Variants in JAKMIP2 observed in about 807,000 individuals in gnomAD.
JAKMIP2 encodes the protein janus kinase and microtubule interacting protein 2.
JAKMIP2 carries 25 observed loss-of-function variants against 115.0 expected under a neutral mutation model. The ratio of observed to expected loss-of-function variants is 0.22; its 90% CI spans 0.16 to 0.30. JAKMIP2 has a LOEUF of 0.30. Among genes scored for constraint, JAKMIP2 ranks in the 10% least tolerant of loss-of-function variants. JAKMIP2 has a pLI of 1.00. For synonymous variants in JAKMIP2, 334 were observed against 343.6 expected (o/e 0.97, Z 0.31); for missense variants, 642 against 957.6 (o/e 0.67, Z 4.35).
chr5:147,649,180 T>C (rs1758274419), intron 4 of JAKMIP2, among the ~76,000 whole-genome samples: 1 of 152,224 alleles, frequency 6.6e-6, no homozygotes, highest in South Asian at 2.1e-4. Context: ...TCTTACATTT[T>C]GATAATGCTG....
Position 147,782,453 on chromosome 5 carries a change from C to T in JAKMIP2, c.-149+3G>A, listed in dbSNP as rs1455694110. 32 of 1,535,918 alleles carry T rather than the reference C, an allele frequency of 2.1e-5. No homozygotes were observed. The highest frequency in any genetic ancestry group is 1.7e-4 in the Middle Eastern group (1 of 6,012). ...GAAGGGAGCCCTACTGTTTCCTACT[C>T]ACCATGCTGAGACCCGGAGAAGCTG... On this transcript the variant is annotated splice_donor_region_variant and intron_variant, in intron 1 of 21. Transcript: ENST00000616793.
chr5:147,782,636 G>A lies in JAKMIP2; in HGVS notation c.-329C>T. 1.4e-6 allele frequency: 1 copy of A among 701,762 alleles called. No individual in the cohort carries two copies. Among genetic ancestry groups the A allele is most frequent in the South Asian group, 1.5e-5 (1 of 66,470 alleles). The allele number at this position is 701,762 out of a possible 1,614,324, so 43.5% of individuals were successfully genotyped here. ...AGGAACCACCCTTCCAGCCCCACTA[G>A]AGTATCAGCAATAGAGGCGGCGGCG... On this transcript the variant is annotated 5_prime_UTR_variant, in exon 1 of 22. Coordinates refer to ENST00000616793, the MANE Select transcript of JAKMIP2 (RefSeq NM_001270941.2).
intron 10 of JAKMIP2, among the ~76,000 whole-genome samples, chr5:147,637,791 T>C (rs922788604): frequency 2.0e-5 from 3 of 152,148 alleles, no homozygotes; most frequent in African/African-American, 7.2e-5. Flanking sequence ...TCTCTTTATA[T>C]ATCATATTTT....
intron 3 of JAKMIP2, among the ~76,000 whole-genome samples, chr5:147,655,127 A>G (rs4489050): frequency 0.25 from 38,397 of 151,956 alleles, 6,137 homozygotes; most frequent in East Asian, 0.46. Context: ...GAGAATTTTC[A>G]CATCGATGTT....
chr5:147,756,324 G>A (rs1754742630), intron 1 of JAKMIP2, among the ~76,000 whole-genome samples: 1 of 151,978 alleles, frequency 6.6e-6, no homozygotes, highest in Non-Finnish European at 1.5e-5. Context: ...TGATAGGGAG[G>A]CACCTGCCCT....
chr5:147,732,304 C>T (rs1334347561), intron 1 of JAKMIP2, among the ~76,000 whole-genome samples: 1 of 152,164 alleles, frequency 6.6e-6, no homozygotes, highest in African/African-American at 2.4e-5. Flanking sequence ...GTATTTCTTA[C>T]AATGCCCAAA....
intron 3 of JAKMIP2, among the ~76,000 whole-genome samples, chr5:147,657,583 ATCC>A: frequency 6.6e-6 from 1 of 152,190 alleles, no homozygotes; most frequent in East Asian, 1.9e-4. Flanking sequence ...CCTGCATAAT[ATCC>A]TCAAGTGTAT....
chr5:147,619,461 A>G (rs1284841905), intron 18 of JAKMIP2, among the ~76,000 whole-genome samples: 4 of 152,078 alleles, frequency 2.6e-5, no homozygotes, highest in Non-Finnish European at 4.4e-5. Context: ...TCTTTGTTAC[A>G]AGCAGGGACT....
At chr5:147,774,134 T>C (rs1350665983) in intron 1 of JAKMIP2, among the ~76,000 whole-genome samples, 5 of 152,184 alleles carry the variant, frequency 3.3e-5, no homozygotes. Flanking sequence ...TGTTTTATAG[T>C]TAATTAACTA....
At chr5:147,648,512 C>T in intron 4 of JAKMIP2, 38 bp from the exon 5 acceptor site, 1 of 1,139,700 alleles carries the variant, frequency 8.8e-7, no homozygotes, top group South Asian at 1.2e-5. Flanking sequence ...TCTTCAACAA[C>T]ACTTTTCACA....
chr5:147,623,855 G>A (rs1449992199), intron 16 of JAKMIP2, among the ~76,000 whole-genome samples, 166 bp from the exon 17 acceptor site: 1 of 152,028 alleles, frequency 6.6e-6, no homozygotes, highest in Non-Finnish European at 1.5e-5. Context: ...TTTTGTTTTT[G>A]AAACGGAATC....
At chr5:147,724,153 T>C (rs1474097578) in intron 1 of JAKMIP2, among the ~76,000 whole-genome samples, 1 of 152,226 alleles carries the variant, frequency 6.6e-6, no homozygotes, top group African/African-American at 2.4e-5. Context: ...ATATTTACTA[T>C]TTGTCAAGCA....
chr5:147,619,257 C>T (rs1756735924), intron 18 of JAKMIP2, among the ~76,000 whole-genome samples: 1 of 151,916 alleles, frequency 6.6e-6, no homozygotes, highest in African/African-American at 2.4e-5. Context: ...TGAATGAGTA[C>T]TCAGTAGTCT....
At chr5:147,601,448 A>C (rs1025424019) in intron 21 of JAKMIP2, among the ~76,000 whole-genome samples, 2 of 152,066 alleles carry the variant, frequency 1.3e-5, no homozygotes, top group African/African-American at 4.8e-5. Flanking sequence ...AATAAAAAAA[A>C]ATTAGCTGAG....
At chr5:147,705,592 G>A (rs945458266) in intron 1 of JAKMIP2, among the ~76,000 whole-genome samples, 5 of 151,946 alleles carry the variant, frequency 3.3e-5, no homozygotes, top group African/African-American at 1.2e-4. Context: ...CTGAGGTCCT[G>A]TGTGACTTTT....
chr5:147,745,824 C>T (rs556327147), intron 1 of JAKMIP2, among the ~76,000 whole-genome samples: 1 of 152,220 alleles, frequency 6.6e-6, no homozygotes, highest in East Asian at 1.9e-4. Flanking sequence ...TATTTTTGTA[C>T]TTTTACTTTG....
chr5:147,764,932 G>GAAAGAAAGAAAGAAAGAAA (rs1212179194), intron 1 of JAKMIP2, among the ~76,000 whole-genome samples: 5 of 77,628 alleles, frequency 6.4e-5, no homozygotes, highest in Admixed American at 1.5e-4. Context: ...GAGAGAGAGA[G>GAAAGAAAGAAAGAAAGAAA]AGAGAGAGAG....
At chr5:147,605,019 C>T (rs1162203386) in intron 20 of JAKMIP2, among the ~76,000 whole-genome samples, 3 of 151,430 alleles carry the variant, frequency 2.0e-5, no homozygotes, top group Non-Finnish European at 4.4e-5. Context: ...TGTTCCCCAA[C>T]CTGTGCCCGT....
intron 1 of JAKMIP2, among the ~76,000 whole-genome samples, chr5:147,674,563 T>C (rs1460978550): frequency 6.6e-6 from 1 of 152,114 alleles, no homozygotes; most frequent in African/African-American, 2.4e-5. Flanking sequence ...CTAGGGAGTT[T>C]GGAGTGGATT....
Sources: allele counts gnomAD v4.1 joint callset (sites outside exome capture counted in the v4.1 genomes callset), GRCh38; gene constraint gnomAD v4.1.1; transcripts MANE v1.5; gene names NCBI Gene and HGNC (gene_info 2026-07-23, HGNC 2026-07-21).